Variants in POLR2C observed in about 807,000 individuals in gnomAD.
POLR2C encodes RNA polymerase II subunit C, also known as DNA-directed RNA polymerase II subunit RPB3.
Under a neutral mutation model 41.7 loss-of-function variants are expected in POLR2C, and 36 were observed. The observed-to-expected ratio is 0.86, with a 90% CI of 0.66 to 1.14. The LOEUF is 1.14. Among genes scored for constraint, POLR2C ranks in the 50% most tolerant of loss-of-function variants. The pLI, the probability that POLR2C is intolerant of heterozygous loss-of-function variation, is 0.00. For missense variants in POLR2C, 260 were observed against 350.4 expected, an observed-to-expected ratio of 0.74 and a Z score of 2.06; for synonymous variants, 133 against 137.8, an observed-to-expected ratio of 0.96 and a Z score of 0.25.
intron 1 of POLR2C, 109 bp from the exon 2 acceptor site, chr16:57,462,920 T>C (rs12919113): frequency 8.1e-7 from 1 of 1,227,874 alleles, no homozygotes; most frequent in South Asian, 1.3e-5. Flanking sequence ...GGCGATGTCC[T>C]TCCAGAGCTG....
Position 57,469,931 on chromosome 16 carries a change from C to T in POLR2C, c.440-30C>T. 1 of 1,608,498 alleles carries T rather than the reference C, an allele frequency of 6.2e-7. No homozygotes were observed. The highest frequency in any genetic ancestry group is 1.1e-5 in the South Asian group (1 of 90,666). On this transcript the variant is annotated intron_variant, in intron 6 of 8. Transcript: ENST00000219252. The surrounding 1 kb of genome is among the most constrained non-coding windows in gnomAD (Gnocchi z 5.8). ...ATTTGGAGAAGCATGTCTCTCCTGG[C>T]CCTTGACTGACTTGTGCCTCTCCCT...
rs2146607584 is a variant in POLR2C, at chr16:57,471,903, G to GA, written c.*785dup. 1 of 152,738 alleles carries GA rather than the reference G, an allele frequency of 6.5e-6. No individual in the cohort carries two copies. Among genetic ancestry groups the GA allele is most frequent in the Non-Finnish European group, 1.5e-5 (1 of 68,054 alleles). 9.5% of individuals were successfully genotyped at this position (152,738 alleles called of 1,614,324 possible). ...ACAAAGCAGTTAATTAGGCAGCCTG[G>GA]AGAAAACCAGAGATCCAGTACAGAA... On this transcript the variant is annotated 3_prime_UTR_variant, in exon 9 of 9. Coordinates refer to ENST00000219252, the MANE Select transcript of POLR2C (RefSeq NM_032940.3).
intron 2 of POLR2C, chr16:57,463,397 A>G (rs2030628915): frequency 2.1e-6 from 1 of 476,104 alleles, no homozygotes; most frequent in African/African-American, 2.0e-5. Flanking sequence ...TTCAACTTTT[A>G]TTTTGGAGTC....
intron 2 of POLR2C, 147 bp downstream of exon 2, chr16:57,463,225 C>A: frequency 1.4e-6 from 1 of 736,008 alleles, no homozygotes. Context: ...TTGACCATAC[C>A]CTGTGCCCTT....
chr16:57,463,028 G>A lies in POLR2C; in HGVS notation c.87-1G>A, dbSNP rs1421255954. The A allele has an allele frequency of 6.2e-7, 1 of 1,611,894 alleles. No homozygotes were observed. On this transcript the variant is annotated splice_acceptor_variant, in intron 1 of 8. Coordinates refer to ENST00000219252, the MANE Select transcript of POLR2C (RefSeq NM_032940.3). LOFTEE classifies it high-confidence loss of function. ...ACGCCCCTTGGCTTTTGATCTTTCAGGGTGGCCAATTCGATTCGGAGGGTC... is the reference window on the plus strand; with the variant it reads ...ACGCCCCTTGGCTTTTGATCTTTCAAGGTGGCCAATTCGATTCGGAGGGTC...
rs963323082 is a variant in POLR2C at position 57,471,477 on chromosome 16, T to G, written c.*358T>G. 1 of 189,426 alleles carries G rather than the reference T, an allele frequency of 5.3e-6. No homozygotes were observed. The highest frequency in any genetic ancestry group is 1.4e-4 in the East Asian group (1 of 7,318). The allele number at this position is 189,426 out of a possible 1,614,324, so 11.7% of individuals were successfully genotyped here. A position where few individuals can be genotyped will look rare whatever the true frequency, so the allele number is the denominator to read the frequency against. On this transcript the variant is annotated 3_prime_UTR_variant, in exon 9 of 9. Transcript: ENST00000219252. ...CCCTTTCTGTCCAAAATGAGTCATT[T>G]TCAGTTGTACCTTAGATGTCTGGTG...
chr16:57,462,890 G>A (rs1372886654), intron 1 of POLR2C, 80 bp downstream of exon 1: 2 of 850,174 alleles, frequency 2.4e-6, no homozygotes, highest in African/African-American at 1.8e-5. Flanking sequence ...GGGGGCGGGG[G>A]TGTAGTGGGG....
At position 57,469,402 on chromosome 16, in the gene POLR2C, T is replaced by TA; in HGVS notation, c.387+110dup. 8.2e-7 allele frequency: 1 copy of TA among 1,224,760 alleles called. No individual in the cohort carries two copies. 75.9% of individuals were successfully genotyped at this position (1,224,760 alleles called of 1,614,324 possible). A position where few individuals can be genotyped will look rare whatever the true frequency, so the allele number is the denominator to read the frequency against. On this transcript the variant is annotated intron_variant, in intron 5 of 8. Transcript: ENST00000219252. The surrounding 1 kb of genome is among the most constrained non-coding windows in gnomAD (Gnocchi z 5.8). ...CTTAGAAAATGTTGGCTTTCCCTGT[T>TA]ACCCTCTGCCTTAATCTGATCCCTA...
chr16:57,468,378 T>A (rs1417091829), intron 4 of POLR2C, among the ~76,000 whole-genome samples: 1 of 152,194 alleles, frequency 6.6e-6, no homozygotes, highest in Non-Finnish European at 1.5e-5. Flanking sequence ...CTACCTCACC[T>A]GTGTGTGACT....
rs970089766 is a variant in POLR2C, at chr16:57,462,724, G to T, written c.-1G>T. On this transcript the variant is annotated 5_prime_UTR_variant, in exon 1 of 9. Transcript: ENST00000219252. ...GCGGAGGCTGGTGGCCCCTGGGCGA[G>T]ATGCCGTACGCCAACCAGCCTACCG... 1 of 1,596,812 alleles carries T rather than the reference G, an allele frequency of 6.3e-7. No individual in the cohort carries two copies. The highest frequency in any genetic ancestry group is 8.5e-7 in the Non-Finnish European group (1 of 1,171,786).
In POLR2C at chr16:57,470,833, TGAAAG is replaced by T. The variant is rs753291049; in HGVS notation, c.684-138_684-134del. 8.5e-4 allele frequency: 629 copies of T among 737,924 alleles called. 1 individual carries two copies. Among genetic ancestry groups the T allele is most frequent in the East Asian group, 9.8e-4 (39 of 39,778 alleles). The allele number at this position is 737,924 out of a possible 1,614,324, so 45.7% of individuals were successfully genotyped here. On this transcript the variant is annotated intron_variant, in intron 8 of 8. Transcript: ENST00000219252. ...ACTACCCTATGTAAGAGGTTTTACA[TGAAAG>T]GAAGTTAGCCCTGGCCCAAGGTCAA...
Position 57,463,027 on chromosome 16 carries a change from A to G in POLR2C, c.87-2A>G. The G allele has an allele frequency of 6.3e-7, 1 of 1,596,208 alleles. No individual in the cohort carries two copies. Among genetic ancestry groups the G allele is most frequent in the South Asian group, 1.1e-5 (1 of 90,828 alleles). Reference sequence around the variant, plus strand: ...CACGCCCCTTGGCTTTTGATCTTTCAGGGTGGCCAATTCGATTCGGAGGGT... The same window carrying G: ...CACGCCCCTTGGCTTTTGATCTTTCGGGGTGGCCAATTCGATTCGGAGGGT... On this transcript the variant is annotated splice_acceptor_variant, in intron 1 of 8. Coordinates refer to ENST00000219252, the MANE Select transcript of POLR2C (RefSeq NM_032940.3). LOFTEE classifies it high-confidence loss of function.
chr16:57,464,594 T>C (rs184774075), intron 2 of POLR2C, among the ~76,000 whole-genome samples: 11 of 152,232 alleles, frequency 7.2e-5, no homozygotes, highest in African/African-American at 2.4e-4. Context: ...ATTCAGACTT[T>C]TAAGGAAATA....
chr16:57,466,060 T>C (rs1402137761), intron 3 of POLR2C, 39 bp downstream of exon 3: 8 of 1,453,686 alleles, frequency 5.5e-6, no homozygotes, highest in Non-Finnish European at 7.7e-6. Flanking sequence ...AGGGAGGGTA[T>C]TGTGCCTAGT....
rs2030602800 is a variant in POLR2C at position 57,462,777 on chromosome 16, A to G, written c.53A>G (p.Asn18Ser). The stretch of plus-strand genomic sequence containing the variant: ...CGGATCACGGAGCTCACTGACGAGA[A>G]TGTCAAGTTCATCATCGAGAACACC... ...TVRITELTDE[N>S]VKFIIENTDL... Residue 18 changes from asparagine (N) to serine (S), a missense_variant, in exon 1 of 9, where the codon AAT becomes AGT. By Grantham distance (46) the Asn-to-Ser change is conservative. Coordinates refer to ENST00000219252, the MANE Select transcript of POLR2C (RefSeq NM_032940.3). 1 of 1,608,616 alleles carries G rather than the reference A, an allele frequency of 6.2e-7. No homozygotes were observed.
rs150078887 is a variant in POLR2C, at chr16:57,462,766, C to T, written c.42C>T (p.Leu14=). The T allele has an allele frequency of 1.1e-4, 176 of 1,609,198 alleles. 1 individual carries two copies. In the East Asian group the frequency reaches 1.5e-3, roughly 14 times the overall value. Residue 14 remains leucine (L), a synonymous_variant, in exon 1 of 9, where the codon CTC becomes CTT. Transcript: ENST00000219252. ...ANQPTVRITE[L]TDENVKFIIE... Reference sequence around the variant, plus strand: ...AGCCTACCGTGCGGATCACGGAGCTCACTGACGAGAATGTCAAGTTCATCA... The same window carrying T: ...AGCCTACCGTGCGGATCACGGAGCTTACTGACGAGAATGTCAAGTTCATCA...
At chr16:57,462,894 A>AGTGGG in intron 1 of POLR2C, 84 bp downstream of exon 1, 2 of 303,448 alleles carry the variant, frequency 6.6e-6, no homozygotes, top group Admixed American at 7.8e-5. Context: ...GCGGGGGTGT[A>AGTGGG]GTGGGGTGGG....
chr16:57,464,438 A>C (rs528810589), intron 2 of POLR2C, among the ~76,000 whole-genome samples: 2 of 152,318 alleles, frequency 1.3e-5, no homozygotes, highest in East Asian at 1.9e-4. Flanking sequence ...AGGGAAGATC[A>C]ATTTCTGGTC....
chr16:57,469,707 C>T lies in POLR2C; in HGVS notation c.388-3C>T. 1 of 1,613,350 alleles carries T rather than the reference C, an allele frequency of 6.2e-7. No individual in the cohort carries two copies. The highest frequency in any genetic ancestry group is 8.5e-7 in the Non-Finnish European group (1 of 1,179,288). ...TAATGAATGCCTGGTGGACTCCCTA[C>T]AGGTGACATCCCGGAACCGAGATAA... On this transcript the variant is annotated splice_polypyrimidine_tract_variant and splice_region_variant and intron_variant, in intron 5 of 8. Coordinates refer to ENST00000219252, the MANE Select transcript of POLR2C (RefSeq NM_032940.3). The surrounding 1 kb of genome is among the most constrained non-coding windows in gnomAD (Gnocchi z 5.8).
Sources: gnomAD v4.1 joint callset for allele counts (sites outside exome capture counted in the v4.1 genomes callset) on GRCh38, gnomAD v4.1.1 for gene constraint, Gnocchi (gnomAD v3.1) non-coding constraint, MANE v1.5 for transcripts, NCBI Gene and HGNC (gene_info 2026-07-23, HGNC 2026-07-21) for gene names.